Variants in HSPA14 observed in about 807,000 individuals in gnomAD.
HSPA14 encodes heat shock protein family A (Hsp70) member 14.
In HSPA14, 37 loss-of-function variants were observed where a neutral mutation model predicts 65.5. That is an observed-to-expected ratio of 0.56 (90% CI 0.43 to 0.74). HSPA14 has a LOEUF of 0.74. Among genes scored for constraint, HSPA14 ranks in the 30% least tolerant of loss-of-function variants. HSPA14 has a pLI of 0.00. For synonymous variants in HSPA14, 203 were observed against 214.2 expected (o/e 0.95, Z 0.46); for missense variants, 564 against 607.6 (o/e 0.93, Z 0.75).
chr10:14,845,660 C>T (rs1169209847), intron 3 of HSPA14: 1 of 418,734 alleles, frequency 2.4e-6, no homozygotes, highest in Admixed American at 6.4e-5. Flanking sequence ...GTGGTGCAAT[C>T]TTGGCTCACT....
At chr10:14,840,193 A>G in intron 3 of HSPA14, 36 bp downstream of exon 3, 2 of 1,010,806 alleles carry the variant, frequency 2.0e-6, no homozygotes, top group Non-Finnish European at 2.8e-6. Context: ...ATATGGTAAT[A>G]GGAACATGTT....
At chr10:14,870,220 T>C (rs1349745172) in intron 12 of HSPA14, among the ~76,000 whole-genome samples, 1 of 152,074 alleles carries the variant, frequency 6.6e-6, no homozygotes, top group African/African-American at 2.4e-5. Flanking sequence ...TTTTTAAGTA[T>C]ATATAGAAAG....
rs1263175688 is a variant in HSPA14, at chr10:14,860,710, C to T, written c.993+4767C>T. Among the ~76,000 whole-genome samples, 3 of 152,068 alleles carry T rather than the reference C, an allele frequency of 2.0e-5. No homozygotes were observed. The East Asian group carries it at 5.8e-4, about 29-fold the overall frequency. ...TTGGCAAGGAAACTAGGGCCCAGAT[C>T]CCCAGAAGGAGTGCTCAGGCCTCAG... On this transcript the variant is annotated intron_variant, in intron 10 of 13. Transcript: ENST00000378372.
intron 3 of HSPA14, chr10:14,844,385 T>C: frequency 1.0e-6 from 1 of 998,102 alleles, no homozygotes; most frequent in Non-Finnish European, 1.2e-6. Flanking sequence ...TATGGATATA[T>C]ACTGTGACTT....
At chr10:14,858,608 T>G (rs1185418268) in intron 10 of HSPA14, among the ~76,000 whole-genome samples, 1 of 152,130 alleles carries the variant, frequency 6.6e-6, no homozygotes, top group Non-Finnish European at 1.5e-5. Context: ...ATTAGATAGG[T>G]GCATGTCAGT....
In HSPA14 at chr10:14,842,412, A is replaced by G; in HGVS notation, c.221+2255A>G. 3.3e-6 allele frequency: 5 copies of G among 1,536,186 alleles called. No individual in the cohort carries two copies. Among genetic ancestry groups the G allele is most frequent in the Admixed American group, 2.0e-5 (1 of 51,006 alleles). ...ACTGTGCATCACAATGCAGATGTCT[A>G]TCAGGCTGTGTCTAAGCGAATGCAG... On this transcript the variant is annotated intron_variant, in intron 3 of 13. Coordinates refer to ENST00000378372, the MANE Select transcript of HSPA14 (RefSeq NM_016299.4). The surrounding 1 kb of genome is among the most constrained non-coding windows in gnomAD (Gnocchi z 5.2).
At position 14,849,824 on chromosome 10, in the gene HSPA14, G is replaced by C; in HGVS notation, c.467+13G>C. 1.3e-6 allele frequency: 2 copies of C among 1,530,522 alleles called. No homozygotes were observed. Among genetic ancestry groups the C allele is most frequent in the Non-Finnish European group, 1.8e-6 (2 of 1,108,980 alleles). The allele number at this position is 1,530,522 out of a possible 1,614,324, so 94.8% of individuals were successfully genotyped here. ...AAAATGCTCTTGGGTAAGTATATGG[G>C]GTTTATCTTACTGGCTTAATTAAAG... On this transcript the variant is annotated intron_variant, in intron 6 of 13. Transcript: ENST00000378372.
At chr10:14,855,142 A>G (rs1350217193) in intron 9 of HSPA14, among the ~76,000 whole-genome samples, 1 of 152,226 alleles carries the variant, frequency 6.6e-6, no homozygotes, top group African/African-American at 2.4e-5. Context: ...AATGAAATTT[A>G]TAATTTTTCA....
intron 3 of HSPA14, chr10:14,844,582 C>T (rs1024000510): frequency 7.1e-6 from 7 of 985,146 alleles, no homozygotes; most frequent in East Asian, 1.1e-4. Context: ...TTTGTCAAAC[C>T]GTCTTTCTCT....
intron 8 of HSPA14, among the ~76,000 whole-genome samples, chr10:14,853,432 G>A (rs1377005020): frequency 1.3e-5 from 2 of 152,150 alleles, no homozygotes; most frequent in Admixed American, 6.6e-5. Context: ...TAAAATAGGA[G>A]ACTTTGACGC....
chr10:14,841,770 G>C (rs1242590823), intron 3 of HSPA14, among the ~76,000 whole-genome samples: 1 of 152,264 alleles, frequency 6.6e-6, no homozygotes, highest in African/African-American at 2.4e-5. Flanking sequence ...ACAGCGTGCT[G>C]TGATTAGTAA....
In HSPA14 at chr10:14,849,395, T is replaced by C. The variant is rs1834090260; in HGVS notation, c.377-326T>C. ...AAGGCAGGCTTTAAATGTAGAGAAC[T>C]AACATTATGACGTTGTGTCTTCACA... On this transcript the variant is annotated intron_variant, in intron 5 of 13. Transcript: ENST00000378372. 7.9e-6 allele frequency: 4 copies of C among 504,396 alleles called. 1 individual carries two copies. Among genetic ancestry groups the C allele is most frequent in the South Asian group, 6.2e-5 (4 of 64,862 alleles). 31.2% of individuals were successfully genotyped at this position (504,396 alleles called of 1,614,324 possible).
In HSPA14 at chr10:14,861,429, G is replaced by A. The variant is rs772453887; in HGVS notation, c.993+5486G>A. Among the ~76,000 whole-genome samples, 125 of 152,096 alleles carry A rather than the reference G, an allele frequency of 8.2e-4. 1 individual carries two copies. Among genetic ancestry groups the A allele is most frequent in the South Asian group, 2.1e-4 (1 of 4,826 alleles). On this transcript the variant is annotated intron_variant, in intron 10 of 13. Transcript: ENST00000378372. ...CAACCCCTGTCTCCCAGGCTCAAGC[G>A]ACCCTCCCGCCTCAGCCTCCTGAGT... is the stretch of plus-strand genomic sequence containing the variant.
At chr10:14,849,496 G>A (rs1228901543) in intron 5 of HSPA14, 3 of 630,408 alleles carry the variant, frequency 4.8e-6, no homozygotes, top group South Asian at 4.5e-5. Context: ...CTAAGAGCCA[G>A]GCTGTTTGGA....
chr10:14,861,500 G>T (rs1340737264), intron 10 of HSPA14, among the ~76,000 whole-genome samples: 1 of 151,988 alleles, frequency 6.6e-6, no homozygotes, highest in African/African-American at 2.4e-5. Context: ...TTGTAGAGAT[G>T]GGGTCTCTGT....
At chr10:14,868,722 C>T (rs984976392) in intron 12 of HSPA14, among the ~76,000 whole-genome samples, 2 of 152,070 alleles carry the variant, frequency 1.3e-5, no homozygotes, top group African/African-American at 4.8e-5. Flanking sequence ...TTGAAGGTAC[C>T]AAGAGGGGTT....
At chr10:14,848,585 A>G (rs771702547) in intron 3 of HSPA14, 24 bp from the exon 4 acceptor site, 4 of 1,577,752 alleles carry the variant, frequency 2.5e-6, no homozygotes, top group Middle Eastern at 1.7e-4. Context: ...ATACTTAGCT[A>G]TCTTTATCTT....
chr10:14,846,479 C>T (rs1212531983), intron 3 of HSPA14: 5 of 985,204 alleles, frequency 5.1e-6, no homozygotes, highest in Non-Finnish European at 4.8e-6. Flanking sequence ...GAAAAATAGG[C>T]TAAAAATATT....
intron 10 of HSPA14, among the ~76,000 whole-genome samples, chr10:14,864,600 C>G (rs111471902): frequency 1.2e-4 from 18 of 151,600 alleles, no homozygotes; most frequent in Non-Finnish European, 1.6e-4. Flanking sequence ...TTTGTCCTTG[C>G]GATAGTTTGC....
Sources: gnomAD v4.1 joint callset for allele counts (sites outside exome capture counted in the v4.1 genomes callset) on GRCh38, gnomAD v4.1.1 for gene constraint, Gnocchi (gnomAD v3.1) non-coding constraint, MANE v1.5 for transcripts, NCBI Gene and HGNC (gene_info 2026-07-23, HGNC 2026-07-21) for gene names.